PTDSS2: variants seen among roughly 807,000 people sequenced by gnomAD.
PTDSS2 encodes phosphatidylserine synthase 2, also known as PSS-2.
A neutral mutation model predicts 64.7 loss-of-function variants in PTDSS2; 41 were observed. The observed-to-expected ratio is 0.63, with a 90% CI of 0.49 to 0.82. PTDSS2 has a LOEUF of 0.82. PTDSS2 is among the 40% of genes least tolerant of loss of function. The pLI is 0.00. For synonymous variants in PTDSS2, 297 were observed against 277.8 expected (o/e 1.07, Z -0.69); for missense variants, 485 against 650.0 (o/e 0.75, Z 2.76).
chr11:469,685 G>A (rs1198911882), intron 2 of PTDSS2, among the ~76,000 whole-genome samples: 3 of 152,080 alleles, frequency 2.0e-5, no homozygotes, highest in Non-Finnish European at 4.4e-5. Flanking sequence ...CAAGCTGAGG[G>A]GGCCTAGAAC....
At chr11:475,004 A>ATATGGACATATTCACGC (rs1847674817) in intron 3 of PTDSS2, among the ~76,000 whole-genome samples, 1 of 69,070 alleles carries the variant, frequency 1.4e-5, no homozygotes, top group Non-Finnish European at 2.9e-5. Context: ...CATATTCACG[A>ATATGGACATATTCACGC]GTTTGTGTGA....
In PTDSS2 at chr11:490,978, C is replaced by T. The variant is rs546638251; in HGVS notation, c.*396C>T. The T allele has an allele frequency of 1.0e-4, 22 of 210,432 alleles. No homozygotes were observed. Among genetic ancestry groups the T allele is most frequent in the Middle Eastern group, 1.8e-3 (1 of 554 alleles). 13.0% of individuals were successfully genotyped at this position (210,432 alleles called of 1,614,324 possible). On this transcript the variant is annotated 3_prime_UTR_variant, in exon 12 of 12. Transcript: ENST00000308020. ...CTTTCTGCCTGGTCAGCCCCGTGGCCTCTGGCCCACCAAGCTCCCTGTCAC... is the reference window on the plus strand; with the variant it reads ...CTTTCTGCCTGGTCAGCCCCGTGGCTTCTGGCCCACCAAGCTCCCTGTCAC...
chr11:458,778 G>A (rs528234535), intron 1 of PTDSS2: 2 of 152,276 alleles, frequency 1.3e-5, no homozygotes, highest in African/African-American at 2.4e-5. Flanking sequence ...GACTACAGAC[G>A]CGTGCAGCCT....
rs114610668 is a variant in PTDSS2, at chr11:486,321, A to G, written c.436-618A>G. On this transcript the variant is annotated intron_variant, in intron 4 of 11. Coordinates refer to ENST00000308020, the MANE Select transcript of PTDSS2 (RefSeq NM_030783.3). Reference sequence around the variant, plus strand: ...GGTCGGGGTGGGGGCGGCGCGCCGCAGTAACTCAGGGCCCCATCCCGCTCC... The same window carrying G: ...GGTCGGGGTGGGGGCGGCGCGCCGCGGTAACTCAGGGCCCCATCCCGCTCC... 7.6e-3 allele frequency among the ~76,000 whole-genome samples: 1,155 copies of G among 152,276 alleles called. 12 individuals carry two copies. Among genetic ancestry groups the G allele is most frequent in the African/African-American group, 0.026 (1,070 of 41,576 alleles).
chr11:490,129 A>G, intron 11 of PTDSS2, 61 bp downstream of exon 11: 2 of 1,510,904 alleles, frequency 1.3e-6, no homozygotes, highest in Admixed American at 1.9e-5. Context: ...CCCTTGGCAC[A>G]GGCACTGTGG....
rs1186399675 is a variant in PTDSS2 at position 487,086 on chromosome 11, G to A, written c.570+13G>A. The stretch of plus-strand genomic sequence containing the variant: ...TCACAACATCTGGGTAAGACGCCGG[G>A]GGCCCTGAGGCGAGCCCCTCCCCAG... On this transcript the variant is annotated intron_variant, in intron 5 of 11. Coordinates refer to ENST00000308020, the MANE Select transcript of PTDSS2 (RefSeq NM_030783.3). 6.2e-7 allele frequency: 1 copy of A among 1,608,838 alleles called. No individual in the cohort carries two copies. The highest frequency in any genetic ancestry group is 1.7e-5 in the Admixed American group (1 of 59,526).
intron 6 of PTDSS2, 28 bp from the exon 7 acceptor site, chr11:488,171 A>G: frequency 1.3e-6 from 2 of 1,550,008 alleles, no homozygotes; most frequent in South Asian, 1.1e-5. Context: ...CCGGCGTCCC[A>G]TACTCTGGCT....
Position 488,477 on chromosome 11 carries a change from G to A in PTDSS2, c.736-52G>A, listed in dbSNP as rs185697575. 22 of 1,504,224 alleles carry A rather than the reference G, an allele frequency of 1.5e-5. 1 individual carries two copies. Among genetic ancestry groups the A allele is most frequent in the Middle Eastern group, 3.4e-4 (2 of 5,900 alleles). 93.2% of individuals were successfully genotyped at this position (1,504,224 alleles called of 1,614,324 possible). On this transcript the variant is annotated intron_variant, in intron 7 of 11. Coordinates refer to ENST00000308020, the MANE Select transcript of PTDSS2 (RefSeq NM_030783.3). ...CCTGTGCTCTTCCGGGGTCCTCCTC[G>A]GGGGGCTCGTTACCCCTCACCCCTG... is the stretch of plus-strand genomic sequence containing the variant.
chr11:488,489 A>AC lies in PTDSS2; in HGVS notation c.736-36dup, dbSNP rs751156051. ...CGGGGTCCTCCTCGGGGGGCTCGTT[A>AC]CCCCTCACCCCTGCAACGAGTGCTG... On this transcript the variant is annotated intron_variant, in intron 7 of 11. Transcript: ENST00000308020. The AC allele has an allele frequency of 3.5e-5, 55 of 1,549,378 alleles. No homozygotes were observed. The African/African-American group carries it at 6.9e-4, about 20-fold the overall frequency.
intron 3 of PTDSS2, among the ~76,000 whole-genome samples, chr11:474,929 G>A (rs1002699803): frequency 2.0e-5 from 3 of 149,878 alleles, no homozygotes; most frequent in East Asian, 2.0e-4. Flanking sequence ...ATATTCACGC[G>A]TTTATGATAC....
At chr11:463,259 G>T (rs921618964) in intron 2 of PTDSS2, 2 of 151,238 alleles carry the variant, frequency 1.3e-5, no homozygotes, top group African/African-American at 4.9e-5. Context: ...ATGGAGTCTC[G>T]CTCTGTACCC....
rs1055142458 is a variant in PTDSS2 at position 479,904 on chromosome 11, C to T, written c.435+752C>T. On this transcript the variant is annotated intron_variant, in intron 4 of 11. Transcript: ENST00000308020. The surrounding 1 kb of genome is among the most constrained non-coding windows in gnomAD (Gnocchi z 4.2). ...GACTTTATTATTCCCAATCTTAAAA[C>T]TCCATCAGTGCATGATGAGATTTTT... Among the ~76,000 whole-genome samples, 1 of 152,214 alleles carries T rather than the reference C, an allele frequency of 6.6e-6. No individual in the cohort carries two copies. Among genetic ancestry groups the T allele is most frequent in the African/African-American group, 2.4e-5 (1 of 41,448 alleles).
Position 490,856 on chromosome 11 carries a change from C to G in PTDSS2, c.*274C>G. The G allele has an allele frequency of 2.2e-6, 1 of 450,842 alleles. No individual in the cohort carries two copies. 27.9% of individuals were successfully genotyped at this position (450,842 alleles called of 1,614,324 possible). A position where few individuals can be genotyped will look rare whatever the true frequency, so the allele number is the denominator to read the frequency against. On this transcript the variant is annotated 3_prime_UTR_variant, in exon 12 of 12. Coordinates refer to ENST00000308020, the MANE Select transcript of PTDSS2 (RefSeq NM_030783.3). Reference sequence around the variant, plus strand: ...GCCGCCTGTGGTGTGCACGTGTGCTCTGGGCTCCGAGGCTTCTCCAGAGCT... The same window carrying G: ...GCCGCCTGTGGTGTGCACGTGTGCTGTGGGCTCCGAGGCTTCTCCAGAGCT...
In PTDSS2 at chr11:470,145, G is replaced by A. The variant is rs1212062465; in HGVS notation, c.285-3750G>A. Among the ~76,000 whole-genome samples, 1 of 152,186 alleles carries A rather than the reference G, an allele frequency of 6.6e-6. No individual in the cohort carries two copies. On this transcript the variant is annotated intron_variant, in intron 2 of 11. Transcript: ENST00000308020. The surrounding 1 kb of genome is among the most constrained non-coding windows in gnomAD (Gnocchi z 5.3). ...GCGTGGTGACCTGACCTCCTTCCTG[G>A]GCGTGCAGCACGGAGAGGGCAGTGG...
chr11:449,068 A>ATTTT (rs33967553), upstream of PTDSS2, among the ~76,000 whole-genome samples: 747 of 136,306 alleles, frequency 5.5e-3, 19 homozygotes, highest in Non-Finnish European at 6.4e-3. Context: ...TTCACCTAGC[A>ATTTT]TTTTTTTTTT....
At position 491,055 on chromosome 11, in the gene PTDSS2, C is replaced by G. The variant is rs560050803; in HGVS notation, c.*473C>G. ...ACATCTCGGTACCCTTTCTGCACTCCGTGGGCCCTGGGTGCGCTGAGGCCT... is the reference window on the plus strand; with the variant it reads ...ACATCTCGGTACCCTTTCTGCACTCGGTGGGCCCTGGGTGCGCTGAGGCCT... On this transcript the variant is annotated 3_prime_UTR_variant, in exon 12 of 12. Coordinates refer to ENST00000308020, the MANE Select transcript of PTDSS2 (RefSeq NM_030783.3). 6.0e-6 allele frequency: 1 copy of G among 166,106 alleles called. No homozygotes were observed. Among genetic ancestry groups the G allele is most frequent in the Non-Finnish European group, 1.3e-5 (1 of 75,828 alleles). The allele number at this position is 166,106 out of a possible 1,614,324, so 10.3% of individuals were successfully genotyped here. A position where few individuals can be genotyped will look rare whatever the true frequency, so the allele number is the denominator to read the frequency against.
chr11:459,618 C>T (rs1311073870), intron 1 of PTDSS2: 1 of 155,004 alleles, frequency 6.5e-6, no homozygotes, highest in African/African-American at 2.4e-5. Context: ...TGGGACAGGA[C>T]AAGACTGCAA....
chr11:474,304 C>T (rs1192286139), intron 3 of PTDSS2, among the ~76,000 whole-genome samples: 3 of 140,980 alleles, frequency 2.1e-5, no homozygotes, highest in African/African-American at 2.6e-5. Flanking sequence ...GCTATGAGGC[C>T]GGGGGCAGGT....
chr11:488,970 T>A (rs1848536074), intron 8 of PTDSS2, among the ~76,000 whole-genome samples: 1 of 152,226 alleles, frequency 6.6e-6, no homozygotes, highest in Non-Finnish European at 1.5e-5. Context: ...ACTTTGTCAT[T>A]ATGACTTTGG....
Sources: gnomAD v4.1 joint callset for allele counts (sites outside exome capture counted in the v4.1 genomes callset) on GRCh38, gnomAD v4.1.1 for gene constraint, Gnocchi (gnomAD v3.1) non-coding constraint, MANE v1.5 for transcripts, NCBI Gene and HGNC (gene_info 2026-07-23, HGNC 2026-07-21) for gene names.